The following UNC79 variants were observed in gnomAD, a reference collection of about 807,000 sequenced individuals.
The protein encoded by UNC79 is protein unc-79 homolog.
In UNC79, 37 loss-of-function variants were observed where a neutral mutation model predicts 283.1. The observed-to-expected ratio is 0.13, with a 90% CI of 0.10 to 0.17. The LOEUF is 0.17. UNC79 is among the 10% of genes least tolerant of loss of function. The pLI is 1.00. For synonymous variants in UNC79, 1,107 were observed against 1,200.2 expected (o/e 0.92, Z 1.61); for missense variants, 2,272 against 3,211.1 (o/e 0.71, Z 7.07).
Position 93,595,932 on chromosome 14 carries a change from A to AAT in UNC79, c.3191-1416_3191-1415dup, listed in dbSNP as rs199543944. 5.0e-3 allele frequency among the ~76,000 whole-genome samples: 755 copies of AAT among 152,134 alleles called. 18 individuals are homozygous for AAT. Among genetic ancestry groups the AAT allele is most frequent in the Admixed American group, 0.038 (579 of 15,268 alleles). On this transcript the variant is annotated intron_variant, in intron 23 of 48. Coordinates refer to ENST00000555664, the Ensembl canonical transcript of UNC79. ...CTTAGTGGTATACATATGTGTGCTT[A>AAT]ATATATATATATTTTAAAATAAGCG...
At chr14:93,555,919 T>A (rs1446138135) in intron 14 of UNC79, among the ~76,000 whole-genome samples, 1 of 152,174 alleles carries the variant, frequency 6.6e-6, no homozygotes, top group Non-Finnish European at 1.5e-5. Flanking sequence ...ACAGATACCC[T>A]TACATGTGGA....
chr14:93,613,640 T>C (rs2066473667), intron 27 of UNC79, among the ~76,000 whole-genome samples: 1 of 152,134 alleles, frequency 6.6e-6, no homozygotes, highest in African/African-American at 2.4e-5. Flanking sequence ...GGTCTTGATC[T>C]CCTGACCTCG....
At chr14:93,515,994 T>C (rs1403609597) in intron 7 of UNC79, among the ~76,000 whole-genome samples, 3 of 152,112 alleles carry the variant, frequency 2.0e-5, no homozygotes, top group Non-Finnish European at 2.9e-5. Flanking sequence ...AAGTATATGA[T>C]CTATTTGGAA....
chr14:93,582,818 G>T (rs1266063345), intron 20 of UNC79, among the ~76,000 whole-genome samples: 1 of 152,120 alleles, frequency 6.6e-6, no homozygotes, highest in Non-Finnish European at 1.5e-5. Flanking sequence ...GACGCAATGG[G>T]GGCAGTGAGA....
chr14:93,607,721 A>G (rs886339019), intron 26 of UNC79, among the ~76,000 whole-genome samples: 1 of 152,218 alleles, frequency 6.6e-6, no homozygotes, highest in Non-Finnish European at 1.5e-5. Flanking sequence ...CTCAGCCTGC[A>G]GAGAAACCTG....
chr14:93,664,009 A>G (rs1473231673), intron 40 of UNC79, among the ~76,000 whole-genome samples: 1 of 152,180 alleles, frequency 6.6e-6, no homozygotes, highest in Non-Finnish European at 1.5e-5. Flanking sequence ...ATTACACAGG[A>G]TATCTCCTCA....
chr14:93,448,364 A>AT (rs933754862), intron 1 of UNC79, among the ~76,000 whole-genome samples: 2 of 151,826 alleles, frequency 1.3e-5, no homozygotes, highest in African/African-American at 2.4e-5. Context: ...TTCTTGCATG[A>AT]TTTTTTTATT....
At chr14:93,596,126 G>A (rs2065061971) in intron 23 of UNC79, among the ~76,000 whole-genome samples, 2 of 151,986 alleles carry the variant, frequency 1.3e-5, no homozygotes. Flanking sequence ...ATATAATCAA[G>A]ACCACAAAAT....
intron 1 of UNC79, among the ~76,000 whole-genome samples, chr14:93,384,830 C>T (rs914137650): frequency 2.4e-4 from 37 of 152,088 alleles, no homozygotes; most frequent in Non-Finnish European, 3.1e-4. Context: ...AGATTTAAGT[C>T]CTGAGTTTAT....
At chr14:93,335,606 C>T (rs2053561620) in intron 1 of UNC79, among the ~76,000 whole-genome samples, 1 of 152,160 alleles carries the variant, frequency 6.6e-6, no homozygotes, top group Admixed American at 6.5e-5. Context: ...GAAATTTTTG[C>T]CACACTCTCA....
chr14:93,469,694 A>G (rs2057401936), intron 2 of UNC79, among the ~76,000 whole-genome samples: 1 of 152,112 alleles, frequency 6.6e-6, no homozygotes, highest in Admixed American at 6.5e-5. Context: ...AGCCTGGACA[A>G]CATAGTAAGA....
chr14:93,521,914 A>T (rs2060339443), intron 7 of UNC79, among the ~76,000 whole-genome samples: 1 of 151,308 alleles, frequency 6.6e-6, no homozygotes, highest in Non-Finnish European at 1.5e-5. Flanking sequence ...GATTCAGAAG[A>T]TCTAACATTG....
At chr14:93,341,442 T>C (rs113903066) in intron 1 of UNC79, among the ~76,000 whole-genome samples, 2,289 of 151,614 alleles carry the variant, frequency 0.015, 14 homozygotes, top group Non-Finnish European at 0.023. Flanking sequence ...GGGCAACAAC[T>C]GTGAAACTCC....
intron 5 of UNC79, among the ~76,000 whole-genome samples, chr14:93,494,772 G>T (rs968353979): frequency 4.2e-4 from 64 of 152,278 alleles, no homozygotes; most frequent in African/African-American, 1.5e-3. Context: ...AGACAGAGAG[G>T]TTGCATCTGT....
At chr14:93,647,597 G>A (rs987336763) in intron 35 of UNC79, among the ~76,000 whole-genome samples, 26 of 152,144 alleles carry the variant, frequency 1.7e-4, no homozygotes, top group African/African-American at 6.0e-4. Context: ...AATGTGGCTG[G>A]AGCAGGTTGA....
chr14:93,421,539 C>G (rs778700455), intron 1 of UNC79, among the ~76,000 whole-genome samples: 1 of 151,544 alleles, frequency 6.6e-6, no homozygotes, highest in Non-Finnish European at 1.5e-5. Context: ...AAGAATAGTA[C>G]CAGTCCTCTT....
At position 93,612,068 on chromosome 14, in the gene UNC79, G is replaced by A. The variant is rs141888185; in HGVS notation, c.3755-729G>A. Among the ~76,000 whole-genome samples, 38 of 152,282 alleles carry A rather than the reference G, an allele frequency of 2.5e-4. No homozygotes were observed. The East Asian group carries it at 6.9e-3, about 28-fold the overall frequency. ...TTACTAGGTTAAGAGGAGGCCAAGG[G>A]CGAAGGTATTTTTTCTTTCCATGTG... On this transcript the variant is annotated intron_variant, in intron 26 of 48. Coordinates refer to ENST00000555664, the Ensembl canonical transcript of UNC79.
At chr14:93,493,920 T>TTTTTA (rs2058884762) in intron 5 of UNC79, among the ~76,000 whole-genome samples, 1 of 132,654 alleles carries the variant, frequency 7.5e-6, no homozygotes, top group Admixed American at 7.5e-5. Flanking sequence ...TTTTTTTTTT[T>TTTTTA]GAGATAGAGT....
At chr14:93,381,096 A>T (rs759189955) in intron 1 of UNC79, among the ~76,000 whole-genome samples, 1 of 152,214 alleles carries the variant, frequency 6.6e-6, no homozygotes, top group African/African-American at 2.4e-5. Flanking sequence ...TGGTTTGATT[A>T]TGTTGCCTCA....
Sources: gnomAD v4.1 joint callset for allele counts (sites outside exome capture counted in the v4.1 genomes callset) on GRCh38, gnomAD v4.1.1 for gene constraint, MANE v1.5 for transcripts, NCBI Gene and HGNC (gene_info 2026-07-23, HGNC 2026-07-21) for gene names.